Variants in SIAH1 observed in about 807,000 individuals in gnomAD.
SIAH1 encodes E3 ubiquitin-protein ligase SIAH1.
A neutral mutation model predicts 20.0 loss-of-function variants in SIAH1; 2 were observed. That is an observed-to-expected ratio of 0.10 (90% CI 0.04 to 0.31). The LOEUF is 0.31. SIAH1 is among the 10% of genes least tolerant of loss of function. SIAH1 has a pLI of 1.00. For synonymous variants in SIAH1, 118 were observed against 125.3 expected (o/e 0.94, Z 0.39); for missense variants, 119 against 355.3 (o/e 0.33, Z 5.35).
Position 48,370,237 on chromosome 16 carries a change from A to G in SIAH1, c.-2-7807T>C, listed in dbSNP as rs537074872. On this transcript the variant is annotated intron_variant, in intron 1 of 1. Coordinates refer to ENST00000394725, the MANE Select transcript of SIAH1 (RefSeq NM_003031.4). ...CCCTTTCCCTTAAGTAGGAAGAGCCACATAAATTCTTATTACATTACTCTT... is the reference window on the plus strand; with the variant it reads ...CCCTTTCCCTTAAGTAGGAAGAGCCGCATAAATTCTTATTACATTACTCTT... Among the ~76,000 whole-genome samples, 3 of 152,334 alleles carry G rather than the reference A, an allele frequency of 2.0e-5. No homozygotes were observed. The East Asian group carries it at 5.8e-4, about 29-fold the overall frequency.
Position 48,365,287 on chromosome 16 carries a change from C to A in SIAH1, c.-2-2857G>T, listed in dbSNP as rs1023521542. On this transcript the variant is annotated intron_variant, in intron 1 of 1. Transcript: ENST00000394725. Reference sequence around the variant, plus strand: ...ACATGACTGAGAACCTCGGAAACGTCTCGATTCTGCTGCAGCCATTCCCTA... The same window carrying A: ...ACATGACTGAGAACCTCGGAAACGTATCGATTCTGCTGCAGCCATTCCCTA... The A allele has an allele frequency of 3.2e-6, 4 of 1,248,478 alleles. No individual in the cohort carries two copies. The African/African-American group carries it at 6.0e-5, about 19-fold the overall frequency. 77.3% of individuals were successfully genotyped at this position (1,248,478 alleles called of 1,614,324 possible). A position where few individuals can be genotyped will look rare whatever the true frequency, so the allele number is the denominator to read the frequency against.
chr16:48,361,616 G>A lies in SIAH1; in HGVS notation c.813C>T (p.Gly271=), dbSNP rs35374298. ...TSIAQLFAEN[G]NLGINVTISM... is the part of the protein sequence containing the mutation. ...AAATAGTTACATTGATGCCTAAATT[G>A]CCATTTTCTGCAAAAAGCTGTGCAA... Residue 271 remains glycine (G), a synonymous_variant, in exon 2 of 2, where the codon GGC becomes GGT. Coordinates refer to ENST00000394725, the MANE Select transcript of SIAH1 (RefSeq NM_003031.4). 5,327 of 1,612,908 alleles carry A rather than the reference G, an allele frequency of 3.3e-3. 119 individuals are homozygous for A. The African/African-American group carries it at 0.057, about 17-fold the overall frequency.
At chr16:48,371,228 TTG>T (rs1567372461) in intron 1 of SIAH1, among the ~76,000 whole-genome samples, 1 of 151,576 alleles carries the variant, frequency 6.6e-6, no homozygotes, top group African/African-American at 2.4e-5. Flanking sequence ...TGCACCATGA[TTG>T]TGTCTGTGAA....
intron 1 of SIAH1, among the ~76,000 whole-genome samples, chr16:48,380,922 C>A (rs1270693847): frequency 1.9e-3 from 2 of 1,048 alleles, no homozygotes; most frequent in African/African-American, 5.3e-3. Context: ...GAGTGAGACT[C>A]CGTCTCAAAA....
At chr16:48,369,401 A>C (rs995604306) in intron 1 of SIAH1, among the ~76,000 whole-genome samples, 3 of 152,328 alleles carry the variant, frequency 2.0e-5, no homozygotes, top group Middle Eastern at 3.4e-3. Context: ...GCAAAATACA[A>C]CACTTGCTAA....
chr16:48,384,506 T>C (rs1039016184), intron 1 of SIAH1, among the ~76,000 whole-genome samples: 9 of 152,130 alleles, frequency 5.9e-5, no homozygotes, highest in Admixed American at 3.9e-4. Context: ...TATAATAAGC[T>C]AGAGCTTCCC....
intron 1 of SIAH1, among the ~76,000 whole-genome samples, chr16:48,370,642 T>C (rs897808998): frequency 7.2e-5 from 11 of 151,858 alleles, no homozygotes; most frequent in African/African-American, 2.4e-4. Flanking sequence ...CCGTCTCTAC[T>C]AAAAATACAA....
intron 1 of SIAH1, among the ~76,000 whole-genome samples, chr16:48,384,043 CAG>C (rs1440145109): frequency 6.6e-6 from 1 of 152,224 alleles, no homozygotes; most frequent in Non-Finnish European, 1.5e-5. Context: ...AAGCGAAGCA[CAG>C]AGAAGTATCT....
Position 48,385,327 on chromosome 16 carries a change from C to A in SIAH1, c.-126G>T. 1 of 180,052 alleles carries A rather than the reference C, an allele frequency of 5.6e-6. No homozygotes were observed. The allele number at this position is 180,052 out of a possible 1,614,324, so 11.2% of individuals were successfully genotyped here. On this transcript the variant is annotated 5_prime_UTR_variant, in exon 1 of 2. Transcript: ENST00000394725. ...GCCGAGACCGACGGGACACCCTGGG[C>A]CGCCGCCGCCTCTCGAGAGCGCGCC...
rs11554208 is a variant in SIAH1, at chr16:48,360,773, A to C, written c.*807T>G. 0.036 allele frequency: 5,440 copies of C among 152,602 alleles called. 139 individuals are homozygous for C. The highest frequency in any genetic ancestry group is 0.099 in the Middle Eastern group (29 of 292). The allele number at this position is 152,602 out of a possible 1,614,324, so 9.5% of individuals were successfully genotyped here. On this transcript the variant is annotated 3_prime_UTR_variant, in exon 2 of 2. Transcript: ENST00000394725. ...TTTATAAAAATCAATTTATTCTCTA[A>C]CCTTTCAAAGATTAAGCTCAAAGGT...
intron 1 of SIAH1, among the ~76,000 whole-genome samples, chr16:48,366,275 T>A (rs904174045): frequency 2.0e-5 from 3 of 152,208 alleles, no homozygotes; most frequent in Admixed American, 2.0e-4. Flanking sequence ...ACACTGGCGC[T>A]ACGCTCCAGG....
At chr16:48,383,761 TTTA>T (rs1961358927) in intron 1 of SIAH1, among the ~76,000 whole-genome samples, 1 of 152,234 alleles carries the variant, frequency 6.6e-6, no homozygotes, top group South Asian at 2.1e-4. Flanking sequence ...CCTTGTCCTT[TTTA>T]ACAACAAAAT....
chr16:48,365,828 G>A, intron 1 of SIAH1: 2 of 1,249,738 alleles, frequency 1.6e-6, no homozygotes, highest in Non-Finnish European at 2.0e-6. Flanking sequence ...CACGGATGCA[G>A]GGGGCGACGC....
chr16:48,375,346 G>A (rs949671736), intron 1 of SIAH1, among the ~76,000 whole-genome samples: 1 of 152,184 alleles, frequency 6.6e-6, no homozygotes, highest in Non-Finnish European at 1.5e-5. Flanking sequence ...TAAACGGGGT[G>A]GGGGGAGAGA....
intron 1 of SIAH1, among the ~76,000 whole-genome samples, chr16:48,380,163 C>T (rs1271516323): frequency 4.6e-5 from 7 of 152,186 alleles, no homozygotes; most frequent in East Asian, 3.9e-4. Context: ...CAAACCTGGC[C>T]GAACACGGTG....
intron 1 of SIAH1, among the ~76,000 whole-genome samples, chr16:48,376,338 C>G (rs371106319): frequency 2.0e-5 from 3 of 152,232 alleles, no homozygotes; most frequent in African/African-American, 7.2e-5. Context: ...TACAGAACAT[C>G]AAATACAGAA....
At position 48,362,228 on chromosome 16, in the gene SIAH1, T is replaced by A; in HGVS notation, c.201A>T (p.Pro67=). 6.2e-7 allele frequency: 1 copy of A among 1,614,212 alleles called. No homozygotes were observed. The highest frequency in any genetic ancestry group is 2.2e-5 in the East Asian group (1 of 44,882). ...SGHLVCSNCR[P]KLTCCPTCRG... is the part of the protein sequence containing the mutation. ...GGCAAGTTGGACAACATGTGAGCTT[T>A]GGGCGACAGTTGCTACAAACAAGAT... The change falls in exon 2 of 2, where the codon CCA becomes CCT. Residue 67 remains proline, a synonymous_variant. Coordinates refer to ENST00000394725, the MANE Select transcript of SIAH1 (RefSeq NM_003031.4). The surrounding 1 kb of genome is among the most constrained non-coding windows in gnomAD (Gnocchi z 4.2).
In SIAH1 at chr16:48,361,770, T is replaced by C. The variant is rs745697730; in HGVS notation, c.659A>G (p.Asn220Ser). ...ATTTAGCTCAAGTCGGTAAGCAAAA[T>C]TTTCAGCTTGCTTGCGTGTTCCTAT... ...QLIGTRKQAE[N>S]FAYRLELNGH... Residue 220 changes from asparagine (N) to serine (S), a missense_variant, in exon 2 of 2, where the codon AAT becomes AGT. By Grantham distance (46) the Asn-to-Ser change is conservative. This residue lies in a region of SIAH1 where 84 missense variants were observed against 307.8 expected (regional missense o/e 0.27). Transcript: ENST00000394725. 59 of 1,614,078 alleles carry C rather than the reference T, an allele frequency of 3.7e-5. No homozygotes were observed. Among genetic ancestry groups the C allele is most frequent in the Non-Finnish European group, 4.7e-5 (55 of 1,179,992 alleles).
At chr16:48,385,510 TCGCGGGCG>T (rs1448651828), upstream of SIAH1, 2 of 151,318 alleles carry the variant, frequency 1.3e-5, no homozygotes, top group Non-Finnish European at 1.5e-5. Flanking sequence ...GGCGGGGCTT[TCGCGGGCG>T]CGCAGGCGCA....
Sources: allele counts gnomAD v4.1 joint callset (sites outside exome capture counted in the v4.1 genomes callset), GRCh38; gene constraint gnomAD v4.1.1; regional missense constraint gnomAD v4.1.1; non-coding constraint Gnocchi (gnomAD v3.1); transcripts MANE v1.5; gene names NCBI Gene and HGNC (gene_info 2026-07-23, HGNC 2026-07-21).